The following PCLAF variants were observed in gnomAD, a reference collection of about 807,000 sequenced individuals.
The protein encoded by PCLAF is PCNA-associated factor.
PCLAF carries 12 observed loss-of-function variants against 15.1 expected under a neutral mutation model. The observed-to-expected ratio is 0.79, with a 90% CI of 0.51 to 1.29. PCLAF has a LOEUF of 1.29. Ranked by LOEUF, PCLAF falls within the 50% of genes most tolerant of loss-of-function variation. The pLI is 0.00. For missense variants in PCLAF, 116 were observed against 130.9 expected, an observed-to-expected ratio of 0.89 and a Z score of 0.56; for synonymous variants, 33 against 47.1, an observed-to-expected ratio of 0.70 and a Z score of 1.22.
intron 3 of PCLAF, among the ~76,000 whole-genome samples, chr15:64,371,864 T>G (rs1314029090): frequency 1.3e-5 from 2 of 152,066 alleles, no homozygotes; most frequent in Non-Finnish European, 2.9e-5. Context: ...CCCAAAGTGC[T>G]GGGATTACAG....
In PCLAF at chr15:64,365,999, G is replaced by C; in HGVS notation, c.*31C>G. ...ATTCTAGAATACCAGGGTAAACAAG[G>C]AGACGTTATTCAAAGATGAATGAGA... is the stretch of plus-strand genomic sequence containing the variant. On this transcript the variant is annotated 3_prime_UTR_variant, in exon 4 of 4. Transcript: ENST00000300035. The C allele has an allele frequency of 1.9e-6, 3 of 1,554,988 alleles. No homozygotes were observed. Among genetic ancestry groups the C allele is most frequent in the East Asian group, 2.3e-5 (1 of 44,298 alleles).
At chr15:64,380,477 A>T (rs1487843395) in intron 2 of PCLAF, among the ~76,000 whole-genome samples, 3 of 152,012 alleles carry the variant, frequency 2.0e-5, no homozygotes, top group African/African-American at 4.8e-5. Context: ...TCCCAGTAGG[A>T]GGATTGTTTG....
Position 64,378,925 on chromosome 15 carries a change from AT to A in PCLAF, c.128-2021del, listed in dbSNP as rs200988007. Among the ~76,000 whole-genome samples the A allele has an allele frequency of 3.6e-3, 549 of 152,114 alleles. 2 individuals are homozygous for A. The highest frequency in any genetic ancestry group is 0.013 in the African/African-American group (521 of 41,470). On this transcript the variant is annotated intron_variant, in intron 2 of 3. Coordinates refer to ENST00000300035, the MANE Select transcript of PCLAF (RefSeq NM_014736.6). ...GACTGTGTCTCAGAAAAAAAAAAAA[AT>A]ATAGCAGCAACAGGTTCAAACCCAA...
chr15:64,383,255 C>A (rs1184820668), upstream of PCLAF, among the ~76,000 whole-genome samples: 1 of 152,130 alleles, frequency 6.6e-6, no homozygotes, highest in Non-Finnish European at 1.5e-5. Flanking sequence ...TTTGTCTTAA[C>A]CTTGGTATCT....
chr15:64,386,163 G>A (rs1899931403), upstream of PCLAF, among the ~76,000 whole-genome samples: 1 of 151,714 alleles, frequency 6.6e-6, no homozygotes, highest in Non-Finnish European at 1.5e-5. Flanking sequence ...TAAATGTAGT[G>A]GAGTTTTACA....
intron 3 of PCLAF, among the ~76,000 whole-genome samples, chr15:64,369,068 G>A (rs927134154): frequency 1.3e-5 from 2 of 152,058 alleles, no homozygotes; most frequent in Admixed American, 1.3e-4. Flanking sequence ...TATCCAAAAT[G>A]TATCCCTCTG....
chr15:64,381,138 G>A, intron 1 of PCLAF, 100 bp from the exon 2 acceptor site: 1 of 1,276,658 alleles, frequency 7.8e-7, no homozygotes, highest in Middle Eastern at 2.3e-4. Flanking sequence ...TGGCGATCCA[G>A]AACAGCAGGA....
At chr15:64,371,552 C>T (rs1317994935) in intron 3 of PCLAF, among the ~76,000 whole-genome samples, 2 of 152,278 alleles carry the variant, frequency 1.3e-5, no homozygotes, top group East Asian at 1.9e-4. Context: ...AGGCATGAGC[C>T]GCCGTGCCCA....
chr15:64,373,842 C>A, intron 3 of PCLAF: 1 of 1,394,070 alleles, frequency 7.2e-7, no homozygotes, highest in Non-Finnish European at 9.7e-7. Context: ...CCCTTTCCTC[C>A]TACATCCAGA....
intron 2 of PCLAF, among the ~76,000 whole-genome samples, chr15:64,380,422 A>G (rs1203996533): frequency 6.6e-6 from 1 of 152,030 alleles, no homozygotes; most frequent in African/African-American, 2.4e-5. Flanking sequence ...TACTAAACCA[A>G]AAAACAAAAA....
chr15:64,365,958 A>T lies in PCLAF; in HGVS notation c.*72T>A. 7.8e-7 allele frequency: 1 copy of T among 1,279,050 alleles called. No homozygotes were observed. The highest frequency in any genetic ancestry group is 1.1e-6 in the Non-Finnish European group (1 of 883,740). 79.2% of individuals were successfully genotyped at this position (1,279,050 alleles called of 1,614,324 possible). ...CAACAAAGCTAATTGGAACAAACAC[A>T]TTTATGTAAATTTACATTCTAGAAT... On this transcript the variant is annotated 3_prime_UTR_variant, in exon 4 of 4. Transcript: ENST00000300035.
intron 3 of PCLAF, among the ~76,000 whole-genome samples, chr15:64,370,320 C>A (rs762214979): frequency 6.6e-6 from 1 of 151,552 alleles, no homozygotes; most frequent in East Asian, 1.9e-4. Context: ...CAATCCTCCC[C>A]CTTCAGTCTC....
intron 3 of PCLAF, among the ~76,000 whole-genome samples, chr15:64,376,405 CAG>C (rs950933852): frequency 8.6e-5 from 13 of 151,892 alleles, no homozygotes; most frequent in East Asian, 1.9e-4. Flanking sequence ...TTATTTGAGA[CAG>C]AGTCTCACTC....
At chr15:64,378,429 A>G (rs1899702982) in intron 2 of PCLAF, among the ~76,000 whole-genome samples, 1 of 152,120 alleles carries the variant, frequency 6.6e-6, no homozygotes, top group South Asian at 2.1e-4. Context: ...TATTGTTTCT[A>G]CTTATTTATT....
chr15:64,380,942 G>A lies in PCLAF; in HGVS notation c.127+16C>T. 6.2e-7 allele frequency: 1 copy of A among 1,611,650 alleles called. No individual in the cohort carries two copies. The highest frequency in any genetic ancestry group is 8.5e-7 in the Non-Finnish European group (1 of 1,177,868). On this transcript the variant is annotated intron_variant, in intron 2 of 3. Coordinates refer to ENST00000300035, the MANE Select transcript of PCLAF (RefSeq NM_014736.6). ...TGCCAGGACTGATCCCCTAACTTTA[G>A]GAGGGCTCTTCTTACCTTTCCTCGA...
intron 3 of PCLAF, among the ~76,000 whole-genome samples, chr15:64,374,487 C>T (rs1346452059): frequency 6.6e-6 from 1 of 150,574 alleles, no homozygotes; most frequent in East Asian, 2.0e-4. Flanking sequence ...TGCAGTGAGC[C>T]GAGATTGCAC....
At position 64,377,488 on chromosome 15, in the gene PCLAF, AATATATATATATATATATAT is replaced by A. The variant is rs1166593614; in HGVS notation, c.128-603_128-584del. ...TCTGTCTCAAAAAAAAAAAAAAAAA[AATATATATATATATATATAT>A]ATATATATATATATATATATATATA... is the stretch of plus-strand genomic sequence containing the variant. On this transcript the variant is annotated intron_variant, in intron 2 of 3. Transcript: ENST00000300035. Among the ~76,000 whole-genome samples, 16 of 29,346 alleles carry A rather than the reference AATATATATATATATATATAT, an allele frequency of 5.5e-4. 3 individuals carry two copies. Among genetic ancestry groups the A allele is most frequent in the African/African-American group, 2.2e-3 (15 of 6,932 alleles). The allele number at this position is 29,346 out of a possible 152,430, so 19.3% of individuals were successfully genotyped here. A position where few individuals can be genotyped will look rare whatever the true frequency, so the allele number is the denominator to read the frequency against.
intron 1 of PCLAF, 21 bp downstream of exon 1, chr15:64,381,305 T>G (rs943004870): frequency 2.8e-5 from 45 of 1,613,800 alleles, no homozygotes; most frequent in Non-Finnish European, 3.6e-5. Context: ...CGCCCTCCAG[T>G]ACCACACTCG....
At chr15:64,369,307 G>A (rs1255528362) in intron 3 of PCLAF, among the ~76,000 whole-genome samples, 2 of 145,090 alleles carry the variant, frequency 1.4e-5, no homozygotes, top group African/African-American at 5.2e-5. Context: ...GCTACAGCGA[G>A]CTATGATCTC....
Sources: allele counts gnomAD v4.1 joint callset (sites outside exome capture counted in the v4.1 genomes callset), GRCh38; gene constraint gnomAD v4.1.1; transcripts MANE v1.5; gene names NCBI Gene and HGNC (gene_info 2026-07-23, HGNC 2026-07-21).